CADPS2: variants seen among roughly 807,000 people sequenced by gnomAD.
The protein encoded by CADPS2 is calcium dependent secretion activator 2.
Under a neutral mutation model 172.5 loss-of-function variants are expected in CADPS2, and 93 were observed. That is an observed-to-expected ratio of 0.54 (90% confidence interval 0.46 to 0.64). The LOEUF is 0.64. CADPS2 is among the 30% of genes least tolerant of loss of function. The probability of loss-of-function intolerance (pLI) is 0.00; values close to 1 mark genes in which losing one functional copy is unlikely to be tolerated. For missense variants in CADPS2, 1,420 were observed against 1,565.9 expected, an observed-to-expected ratio of 0.91 and a Z score of 1.57; for synonymous variants, 546 against 555.2, an observed-to-expected ratio of 0.98 and a Z score of 0.23.
At chr7:122,497,870 T>C (rs2058869339) in intron 9 of CADPS2, among the ~76,000 whole-genome samples, 1 of 152,222 alleles carries the variant, frequency 6.6e-6, no homozygotes. Flanking sequence ...CCAGCAATCC[T>C]ATCAGTAATT....
At chr7:122,543,285 T>C (rs556538817) in intron 8 of CADPS2, among the ~76,000 whole-genome samples, 45 of 152,276 alleles carry the variant, frequency 3.0e-4, no homozygotes, top group African/African-American at 8.7e-4. Context: ...ATTTTACAGT[T>C]TTAAAAATTT....
chr7:122,722,532 G>T (rs967100262), intron 2 of CADPS2, among the ~76,000 whole-genome samples: 16 of 151,556 alleles, frequency 1.1e-4, no homozygotes, highest in Non-Finnish European at 5.9e-5. Flanking sequence ...GCTGCTCAAC[G>T]AAATAAAAAA....
At chr7:122,468,174 G>A (rs1183161178) in intron 14 of CADPS2, among the ~76,000 whole-genome samples, 2 of 151,732 alleles carry the variant, frequency 1.3e-5, no homozygotes, top group South Asian at 4.2e-4. Flanking sequence ...ATAACAAAAG[G>A]AAATCTTTTC....
intron 1 of CADPS2, among the ~76,000 whole-genome samples, chr7:122,829,436 G>C (rs73718022): frequency 0.016 from 2,373 of 152,200 alleles, 59 homozygotes; most frequent in African/African-American, 0.054. Flanking sequence ...AAGGAGAAAT[G>C]AGTCTTATAT....
At chr7:122,360,693 C>T (rs1345065779) in intron 27 of CADPS2, 95 bp downstream of exon 27, 4 of 1,079,536 alleles carry the variant, frequency 3.7e-6, no homozygotes, top group Non-Finnish European at 4.0e-6. Flanking sequence ...AAGGGAATGG[C>T]ACTGGTTTAA....
chr7:122,344,538 T>TA (rs144344682), intron 28 of CADPS2, among the ~76,000 whole-genome samples: 2,194 of 152,298 alleles, frequency 0.014, 51 homozygotes, highest in African/African-American at 0.049. Context: ...TTAGTGCTGA[T>TA]AAAACTGTAA....
At chr7:122,534,044 TC>T (rs1027535048) in intron 8 of CADPS2, among the ~76,000 whole-genome samples, 69 of 152,268 alleles carry the variant, frequency 4.5e-4, no homozygotes, top group African/African-American at 1.5e-3. Flanking sequence ...CACATCACAT[TC>T]AACTCCTTTA....
At position 122,364,726 on chromosome 7, in the gene CADPS2, C is replaced by CAA. The variant is rs376223248; in HGVS notation, c.3388-3715_3388-3714dup. Among the ~76,000 whole-genome samples the CAA allele has an allele frequency of 8.1e-3, 1,113 of 137,240 alleles. 6 individuals are homozygous for CAA. The highest frequency in any genetic ancestry group is 0.023 in the African/African-American group (858 of 37,496). 90.0% of individuals were successfully genotyped at this position (137,240 alleles called of 152,430 possible). On this transcript the variant is annotated intron_variant, in intron 25 of 29. Coordinates refer to ENST00000449022, the MANE Select transcript of CADPS2 (RefSeq NM_017954.11). ...TGGGCAACAGAGTGAGACTCCATCT[C>CAA]AAAAAAAAAAAAAGAGCCCAATAAG...
At chr7:122,860,970 A>G (rs1816811579) in intron 1 of CADPS2, among the ~76,000 whole-genome samples, 1 of 152,192 alleles carries the variant, frequency 6.6e-6, no homozygotes, top group Non-Finnish European at 1.5e-5. Flanking sequence ...TGGTATGAGT[A>G]TATATACCAT....
intron 17 of CADPS2, among the ~76,000 whole-genome samples, chr7:122,438,115 C>G (rs2050879290): frequency 6.6e-6 from 1 of 152,096 alleles, no homozygotes; most frequent in Non-Finnish European, 1.5e-5. Context: ...CAAAGGACAA[C>G]TTAAGCACGA....
At chr7:122,763,015 T>C (rs968370726) in intron 1 of CADPS2, among the ~76,000 whole-genome samples, 1 of 151,934 alleles carries the variant, frequency 6.6e-6, no homozygotes, top group Non-Finnish European at 1.5e-5. Context: ...GTTTCAATAG[T>C]AGATGGAAAC....
intron 8 of CADPS2, among the ~76,000 whole-genome samples, chr7:122,553,221 A>G (rs1189434962): frequency 6.6e-6 from 1 of 152,128 alleles, no homozygotes; most frequent in African/African-American, 2.4e-5. Flanking sequence ...TGAATTCCTG[A>G]CTAGCCAGTT....
At chr7:122,624,295 A>C (rs75200195) in intron 4 of CADPS2, among the ~76,000 whole-genome samples, 4,412 of 152,288 alleles carry the variant, frequency 0.029, 90 homozygotes, top group South Asian at 0.094. Flanking sequence ...CATGTGTTCT[A>C]ATTAGGTCCT....
intron 1 of CADPS2, among the ~76,000 whole-genome samples, chr7:122,850,666 T>TC (rs1191156995): frequency 6.6e-6 from 1 of 152,074 alleles, no homozygotes; most frequent in African/African-American, 2.4e-5. Flanking sequence ...ACTCTGGGGG[T>TC]CCCCCATCCC....
At position 122,538,214 on chromosome 7, in the gene CADPS2, G is replaced by A. The variant is rs569728851; in HGVS notation, c.1475+16336C>T. ...AATTACTGTCCAACTGATTTAATGA[G>A]GTTAATATACCTTTGATTCCTAGAC... On this transcript the variant is annotated intron_variant, in intron 8 of 29. Coordinates refer to ENST00000449022, the MANE Select transcript of CADPS2 (RefSeq NM_017954.11). 2.6e-5 allele frequency among the ~76,000 whole-genome samples: 4 copies of A among 151,358 alleles called. No individual in the cohort carries two copies. The East Asian group carries it at 7.8e-4, about 29-fold the overall frequency.
chr7:122,581,747 A>G (rs796820480), intron 6 of CADPS2, among the ~76,000 whole-genome samples: 29 of 152,258 alleles, frequency 1.9e-4, no homozygotes, highest in African/African-American at 6.7e-4. Context: ...ATCTTTTTTT[A>G]AAGTAAGCAT....
chr7:122,366,657 A>C (rs2040914561), intron 25 of CADPS2: 1 of 137,122 alleles, frequency 7.3e-6, no homozygotes. Context: ...ATATATATAC[A>C]TACACACATA....
chr7:122,432,658 A>AG lies in CADPS2; in HGVS notation c.2476+5682_2476+5683insC, dbSNP rs1359502444. On this transcript the variant is annotated intron_variant, in intron 17 of 29. Coordinates refer to ENST00000449022, the MANE Select transcript of CADPS2 (RefSeq NM_017954.11). ...TCTGTTAAAATAAAAAAAAAAAAAAAAAAGAAAAAAAGAAAAGAAAACCTC... is the reference window on the plus strand; with the variant it reads ...TCTGTTAAAATAAAAAAAAAAAAAAAGAAAGAAAAAAAGAAAAGAAAACCTC... 4.0e-5 allele frequency among the ~76,000 whole-genome samples: 6 copies of AG among 150,430 alleles called. No homozygotes were observed. In the East Asian group the frequency reaches 5.8e-4, roughly 15 times the overall value.
chr7:122,874,564 G>A (rs181490341), intron 1 of CADPS2, among the ~76,000 whole-genome samples: 81 of 152,150 alleles, frequency 5.3e-4, no homozygotes, highest in African/African-American at 1.8e-3. Flanking sequence ...AAAAGAGCTC[G>A]TATAGCCAAG....
Sources: gnomAD v4.1 joint callset for allele counts (sites outside exome capture counted in the v4.1 genomes callset) on GRCh38, gnomAD v4.1.1 for gene constraint, MANE v1.5 for transcripts, NCBI Gene and HGNC (gene_info 2026-07-23, HGNC 2026-07-21) for gene names.